FAM228B: variants seen among roughly 807,000 people sequenced by gnomAD.
FAM228B encodes the protein protein FAM228B.
Under a neutral mutation model 42.6 loss-of-function variants are expected in FAM228B, and 38 were observed. That is an observed-to-expected ratio of 0.89 (90% CI 0.69 to 1.17). The LOEUF is 1.17. Ranked by LOEUF, FAM228B falls within the 50% of genes most tolerant of loss-of-function variation. FAM228B has a pLI of 0.00. For missense variants in FAM228B, 344 were observed against 367.3 expected (o/e 0.94, Z 0.52); for synonymous variants, 109 against 122.3 (o/e 0.89, Z 0.72).
upstream of FAM228B, chr2:24,123,121 C>G (rs1264425262): frequency 2.0e-5 from 3 of 152,554 alleles, no homozygotes; most frequent in African/African-American, 7.2e-5. Flanking sequence ...TCAGGACCTC[C>G]GGCACAGGCG....
At chr2:24,101,394 A>C (rs1665601644) in intron 3 of FAM228B, among the ~76,000 whole-genome samples, 1 of 152,218 alleles carries the variant, frequency 6.6e-6, no homozygotes, top group Non-Finnish European at 1.5e-5. Flanking sequence ...ATATGTATGT[A>C]AATTGACATT....
chr2:24,159,931 T>A (rs372114637), intron 7 of FAM228B, among the ~76,000 whole-genome samples: 5 of 152,162 alleles, frequency 3.3e-5, no homozygotes, highest in African/African-American at 4.8e-5. Context: ...CTTCTCTTTG[T>A]CTTTAGGTGT....
chr2:24,156,126 C>T (rs760610743), intron 7 of FAM228B, among the ~76,000 whole-genome samples: 5 of 152,094 alleles, frequency 3.3e-5, no homozygotes, highest in South Asian at 2.1e-4. Context: ...TTCTGTGTTC[C>T]GGTCACAAAT....
intron 2 of FAM228B, among the ~76,000 whole-genome samples, chr2:24,124,922 C>T (rs760506214): frequency 6.6e-6 from 1 of 152,170 alleles, no homozygotes; most frequent in East Asian, 1.9e-4. Flanking sequence ...GGCTGGTCCC[C>T]AACTCCTGAG....
chr2:24,111,067 C>A (rs932813306), intron 3 of FAM228B, among the ~76,000 whole-genome samples: 6 of 147,898 alleles, frequency 4.1e-5, no homozygotes, highest in Non-Finnish European at 7.5e-5. Flanking sequence ...CCTGGCTGAT[C>A]TTTTTTTTTT....
chr2:24,086,431 G>A (rs1665254618), intron 2 of FAM228B, among the ~76,000 whole-genome samples: 3 of 152,080 alleles, frequency 2.0e-5, no homozygotes, highest in South Asian at 4.1e-4. Context: ...TCTAACAAGT[G>A]TGGAAAGAAT....
At chr2:24,119,491 C>T (rs1034078774), upstream of FAM228B, 21 of 929,238 alleles carry the variant, frequency 2.3e-5, no homozygotes, top group Admixed American at 4.7e-4. Context: ...TCTGCCCTAG[C>T]TGGTTTGAGT....
intron 3 of FAM228B, chr2:24,096,125 AG>A (rs1665492599): frequency 6.6e-6 from 1 of 152,244 alleles, no homozygotes; most frequent in South Asian, 2.1e-4. Flanking sequence ...CCCCATCTGT[AG>A]GTCACCAACA....
upstream of FAM228B, chr2:24,119,822 T>A: frequency 1.7e-6 from 1 of 605,174 alleles, no homozygotes; most frequent in Non-Finnish European, 2.8e-6. Context: ...CCGTATATAT[T>A]TTCCATATGT....
chr2:24,152,794 C>T (rs1438579871), intron 7 of FAM228B, among the ~76,000 whole-genome samples: 4 of 152,260 alleles, frequency 2.6e-5, no homozygotes, highest in Admixed American at 6.5e-5. Flanking sequence ...TTCCCCAGGT[C>T]CCAGGCATGT....
intron 3 of FAM228B, among the ~76,000 whole-genome samples, chr2:24,116,125 G>A (rs560010363): frequency 1.7e-4 from 26 of 152,040 alleles, no homozygotes; most frequent in African/African-American, 3.4e-4. Context: ...TCAGGAGATC[G>A]AGACCATCCT....
chr2:24,140,879 G>A (rs61617375), intron 5 of FAM228B, among the ~76,000 whole-genome samples: 3 of 151,338 alleles, frequency 2.0e-5, no homozygotes, highest in African/African-American at 7.3e-5. Context: ...GGAGAATCAC[G>A]TGAACCCGGG....
At chr2:24,157,230 GT>G (rs1206857316) in intron 7 of FAM228B, among the ~76,000 whole-genome samples, 2 of 152,166 alleles carry the variant, frequency 1.3e-5, no homozygotes, top group East Asian at 3.9e-4. Flanking sequence ...ACTGACACTT[GT>G]TTTGTGGCCT....
chr2:24,081,563 G>C (rs1218695110), intron 2 of FAM228B, among the ~76,000 whole-genome samples: 1 of 152,130 alleles, frequency 6.6e-6, no homozygotes, highest in Non-Finnish European at 1.5e-5. Context: ...TTCTCCATTG[G>C]CTTTTGCATT....
chr2:24,108,825 T>C (rs1665741742), intron 3 of FAM228B, among the ~76,000 whole-genome samples: 1 of 146,148 alleles, frequency 6.8e-6, no homozygotes, highest in Non-Finnish European at 1.5e-5. Flanking sequence ...GGCATGAACC[T>C]GGGAGGCGGA....
At chr2:24,155,531 ATT>A (rs70944720) in intron 7 of FAM228B, among the ~76,000 whole-genome samples, 2 of 13,044 alleles carry the variant, frequency 1.5e-4, no homozygotes, top group Non-Finnish European at 3.2e-4. Context: ...ATATATATAT[ATT>A]TTTTTTTTTT....
intron 2 of FAM228B, among the ~76,000 whole-genome samples, chr2:24,092,243 A>AT (rs1665407300): frequency 1.4e-5 from 2 of 146,154 alleles, no homozygotes; most frequent in East Asian, 2.0e-4. Flanking sequence ...AAAAAAAAAA[A>AT]GGAATAGTAG....
intron 2 of FAM228B, among the ~76,000 whole-genome samples, chr2:24,086,060 C>A (rs995292759): frequency 4.6e-5 from 7 of 151,874 alleles, no homozygotes; most frequent in Non-Finnish European, 7.4e-5. Flanking sequence ...ACGGTGAAAC[C>A]CCGTCTCTAC....
intron 7 of FAM228B, among the ~76,000 whole-genome samples, chr2:24,159,190 A>G (rs1208553179): frequency 2.0e-5 from 3 of 152,214 alleles, no homozygotes; most frequent in Admixed American, 1.3e-4. Flanking sequence ...CCCTATTTCC[A>G]AATAAGGTCA....
Sources: allele counts gnomAD v4.1 joint callset (sites outside exome capture counted in the v4.1 genomes callset), GRCh38; gene constraint gnomAD v4.1.1; transcripts MANE v1.5; gene names NCBI Gene and HGNC (gene_info 2026-07-23, HGNC 2026-07-21).